The following SAMMSON variants were observed in gnomAD, a reference collection of about 807,000 sequenced individuals.
SAMMSON encodes survival associated mitochondrial melanoma specific oncogenic non-coding RNA.
At chr3:70,117,099 A>G (rs1465693435) in intron 4 of SAMMSON, among the ~76,000 whole-genome samples, 1 of 152,214 alleles carries the variant, frequency 6.6e-6, no homozygotes, top group African/African-American at 2.4e-5. Flanking sequence ...GAATAATAAG[A>G]TAAAATGATG....
chr3:70,230,112 A>T (rs904477357), intron 4 of SAMMSON, among the ~76,000 whole-genome samples: 1 of 152,192 alleles, frequency 6.6e-6, no homozygotes, highest in Non-Finnish European at 1.5e-5. Flanking sequence ...TATTTACTTA[A>T]GTTTATAGAA....
intron 4 of SAMMSON, among the ~76,000 whole-genome samples, chr3:70,088,152 T>C (rs1429182546): frequency 2.6e-5 from 4 of 152,172 alleles, no homozygotes; most frequent in African/African-American, 9.7e-5. Flanking sequence ...AGGGTTACAG[T>C]ATAGAGTTCA....
chr3:70,282,361 G>A (rs997768153), intron 6 of SAMMSON, among the ~76,000 whole-genome samples: 2 of 152,142 alleles, frequency 1.3e-5, no homozygotes. Flanking sequence ...AAATGCTAAT[G>A]TGTCTTAAAC....
chr3:70,276,847 C>A (rs953197659), intron 6 of SAMMSON, among the ~76,000 whole-genome samples: 3 of 152,214 alleles, frequency 2.0e-5, no homozygotes, highest in Admixed American at 6.5e-5. Context: ...AAAAAATTGA[C>A]AAATCCTTCA....
chr3:70,361,535 G>A (rs983604403), intron 9 of SAMMSON, among the ~76,000 whole-genome samples: 1 of 152,092 alleles, frequency 6.6e-6, no homozygotes, highest in African/African-American at 2.4e-5. Context: ...CTCTCATCTC[G>A]CTGCAGCATC....
intron 7 of SAMMSON, among the ~76,000 whole-genome samples, chr3:70,294,802 G>T (rs1011682540): frequency 6.6e-6 from 1 of 151,888 alleles, no homozygotes; most frequent in African/African-American, 2.4e-5. Flanking sequence ...GCTCAGTCTG[G>T]CTTCTCTTAT....
chr3:70,291,180 G>T (rs999888482), exon 7 of SAMMSON: 1 of 152,098 alleles, frequency 6.6e-6, no homozygotes, highest in Non-Finnish European at 1.5e-5. Context: ...AACATCCAGG[G>T]CCCTGGAGCC....
intron 6 of SAMMSON, among the ~76,000 whole-genome samples, chr3:70,277,117 G>A (rs535844663): frequency 1.3e-5 from 2 of 152,266 alleles, no homozygotes; most frequent in East Asian, 3.9e-4. Context: ...GGCTAAGTCT[G>A]TGTGATTAGG....
intron 3 of SAMMSON, among the ~76,000 whole-genome samples, chr3:70,027,897 C>T (rs1333556184): frequency 6.6e-6 from 1 of 152,100 alleles, no homozygotes; most frequent in Non-Finnish European, 1.5e-5. Flanking sequence ...GCAAAGAATA[C>T]AGAAGACATC....
intron 3 of SAMMSON, among the ~76,000 whole-genome samples, chr3:70,026,963 G>T (rs569655653): frequency 1.1e-4 from 17 of 152,246 alleles, no homozygotes; most frequent in South Asian, 2.1e-4. Context: ...ACTCCTGGAG[G>T]CCCAGTGCTT....
intron 6 of SAMMSON, among the ~76,000 whole-genome samples, chr3:70,282,395 C>T (rs976774873): frequency 6.6e-6 from 1 of 152,188 alleles, no homozygotes; most frequent in Admixed American, 6.5e-5. Context: ...TTTGTAAATC[C>T]GATCATGTTA....
intron 7 of SAMMSON, among the ~76,000 whole-genome samples, chr3:70,340,810 T>C (rs1472989302): frequency 1.3e-5 from 2 of 152,246 alleles, no homozygotes; most frequent in Non-Finnish European, 2.9e-5. Context: ...ACTTAGCTGA[T>C]TTTGCTTGTA....
In SAMMSON at chr3:70,073,895, G is replaced by T. The variant is rs181086311; in HGVS notation, n.507+2330G>T. Among the ~76,000 whole-genome samples the T allele has an allele frequency of 6.8e-3, 1,031 of 152,060 alleles. 11 individuals are homozygous for T. The highest frequency in any genetic ancestry group is 0.022 in the African/African-American group (921 of 41,500). On this transcript the variant is annotated intron_variant and non_coding_transcript_variant, in intron 4 of 9. Coordinates refer to ENST00000642114, the Ensembl canonical transcript of SAMMSON. Reference sequence around the variant, plus strand: ...TGTGTCTTCTTTTATTAAAAATAGGGCTAGAAATATGTACTTTTAGGAATT... The same window carrying T: ...TGTGTCTTCTTTTATTAAAAATAGGTCTAGAAATATGTACTTTTAGGAATT...
intron 7 of SAMMSON, among the ~76,000 whole-genome samples, chr3:70,307,146 A>G (rs896435378): frequency 4.6e-5 from 7 of 152,188 alleles, no homozygotes; most frequent in African/African-American, 1.7e-4. Flanking sequence ...GGGCTGAAAT[A>G]GACCCCAGAG....
chr3:70,247,763 A>G (rs2106647876), intron 4 of SAMMSON, among the ~76,000 whole-genome samples: 1 of 152,150 alleles, frequency 6.6e-6, no homozygotes, highest in East Asian at 1.9e-4. Context: ...GTAAAAAAAG[A>G]GAGTGAGACA....
intron 3 of SAMMSON, among the ~76,000 whole-genome samples, chr3:70,043,111 A>G (rs1001561798): frequency 2.0e-5 from 3 of 152,136 alleles, no homozygotes; most frequent in African/African-American, 7.2e-5. Context: ...GCATATCAAA[A>G]GTAATGAGTT....
At chr3:70,252,557 T>C (rs1372883482) in intron 6 of SAMMSON, among the ~76,000 whole-genome samples, 1 of 152,136 alleles carries the variant, frequency 6.6e-6, no homozygotes, top group Non-Finnish European at 1.5e-5. Context: ...GCAAACAATA[T>C]AAATCAATAA....
At chr3:70,121,471 A>AC (rs1248416416) in intron 4 of SAMMSON, among the ~76,000 whole-genome samples, 1 of 152,076 alleles carries the variant, frequency 6.6e-6, no homozygotes, top group Non-Finnish European at 1.5e-5. Context: ...GCAAGGCAAA[A>AC]AAAAATACAC....
chr3:70,206,549 T>C, intron 4 of SAMMSON: 2 of 397,372 alleles, frequency 5.0e-6, no homozygotes, highest in Non-Finnish European at 8.9e-6. Flanking sequence ...TAGAGATGGG[T>C]TGAATTCTGA....
Sources: allele counts gnomAD v4.1 joint callset (sites outside exome capture counted in the v4.1 genomes callset), GRCh38; gene constraint gnomAD v4.1.1; transcripts MANE v1.5; gene names NCBI Gene and HGNC (gene_info 2026-07-23, HGNC 2026-07-21).